Variants in GSDMB observed in about 807,000 individuals in gnomAD.
GSDMB encodes gasdermin B.
In GSDMB, 32 loss-of-function variants were observed where a neutral mutation model predicts 42.9. The ratio of observed to expected loss-of-function variants is 0.75; its 90% confidence interval spans 0.56 to 1.00. The LOEUF is 1.00. GSDMB is among the 50% of genes least tolerant of loss of function. The pLI, the probability that GSDMB is intolerant of heterozygous loss-of-function variation, is 0.00. For synonymous variants in GSDMB, 175 were observed against 193.7 expected, an observed-to-expected ratio of 0.90 and a Z score of 0.80; for missense variants, 468 against 498.5, an observed-to-expected ratio of 0.94 and a Z score of 0.58.
intron 1 of GSDMB, 38 bp from the exon 2 acceptor site, chr17:39,917,368 G>A: frequency 8.3e-7 from 1 of 1,211,626 alleles, no homozygotes. Context: ...TTGGGAGGAG[G>A]GTATTGGTTC....
chr17:39,910,996 T>C (rs1219167869), intron 3 of GSDMB, among the ~76,000 whole-genome samples: 1 of 152,132 alleles, frequency 6.6e-6, no homozygotes, highest in African/African-American at 2.4e-5. Context: ...GCCTTTGTTT[T>C]TAATTTATTA....
chr17:39,906,330 G>T, intron 7 of GSDMB, 59 bp from the exon 8 acceptor site: 2 of 1,532,090 alleles, frequency 1.3e-6, no homozygotes, highest in East Asian at 4.5e-5. Flanking sequence ...TATTTCTAAG[G>T]CTCTGTTATT....
At chr17:39,913,442 G>T (rs2063651748) in intron 2 of GSDMB, among the ~76,000 whole-genome samples, 1 of 152,130 alleles carries the variant, frequency 6.6e-6, no homozygotes, top group African/African-American at 2.4e-5. Flanking sequence ...GGCCAACATG[G>T]TGAAACCCCA....
At chr17:39,907,958 C>T (rs556339123) in intron 6 of GSDMB, among the ~76,000 whole-genome samples, 7 of 152,220 alleles carry the variant, frequency 4.6e-5, no homozygotes, top group Admixed American at 2.0e-4. Flanking sequence ...CAGCTGACTG[C>T]CAGCACGAAG....
chr17:39,908,741 C>T (rs1167572897), intron 5 of GSDMB, among the ~76,000 whole-genome samples: 1 of 152,148 alleles, frequency 6.6e-6, no homozygotes, highest in African/African-American at 2.4e-5. Context: ...ATGTCATGTT[C>T]AGGCAAATCC....
At chr17:39,917,584 C>CCCG (rs58989791) in intron 1 of GSDMB, 5 of 186,124 alleles carry the variant, frequency 2.7e-5, no homozygotes, top group South Asian at 4.3e-5. Context: ...ATATAGTCTC[C>CCCG]CCGCCGCCGC....
chr17:39,913,575 A>C (rs763475132), intron 2 of GSDMB, among the ~76,000 whole-genome samples: 11 of 152,088 alleles, frequency 7.2e-5, no homozygotes, highest in Non-Finnish European at 1.3e-4. Context: ...GCCAAGATCA[A>C]GCCACTGCAC....
intron 7 of GSDMB, chr17:39,906,745 T>G: frequency 2.3e-6 from 3 of 1,327,954 alleles, no homozygotes; most frequent in Non-Finnish European, 2.9e-6. Flanking sequence ...TCACTAGTTT[T>G]AAAGTTTCCT....
rs750429077 is a variant in GSDMB, at chr17:39,912,356, G to A, written c.377C>T (p.Ser126Phe). The change falls in exon 3 of 11, where the codon TCC (serine) becomes TTC (phenylalanine). Residue 126 changes from serine to phenylalanine, a missense_variant. Transcript: ENST00000418519. The stretch of plus-strand genomic sequence containing the variant: ...TTCAAGGGTAGCCAGATACTGCTGG[G>A]ATATCCGGTTCTCCGATATCTTGAT... ...QKIKISENRI[S>F]QQYLATLENR... The A allele has an allele frequency of 6.2e-7, 1 of 1,614,068 alleles. No individual in the cohort carries two copies.
intron 3 of GSDMB, among the ~76,000 whole-genome samples, chr17:39,912,060 A>G (rs1022513860): frequency 1.3e-5 from 2 of 151,974 alleles, no homozygotes; most frequent in African/African-American, 4.8e-5. Context: ...GGCTTCCTGG[A>G]GACTGCTCCT....
intron 8 of GSDMB, 56 bp from the exon 9 acceptor site, chr17:39,906,041 C>T (rs533135695): frequency 6.2e-7 from 1 of 1,607,174 alleles, no homozygotes; most frequent in South Asian, 1.1e-5. Flanking sequence ...AGATTATCCT[C>T]ACTGTGCCAA....
Position 39,909,851 on chromosome 17 carries a change from T to G in GSDMB, c.481A>C (p.Thr161Pro). The G allele has an allele frequency of 6.2e-7, 1 of 1,613,958 alleles. No homozygotes were observed. The highest frequency in any genetic ancestry group is 8.5e-7 in the Non-Finnish European group (1 of 1,179,794). The change falls in exon 4 of 11, where the codon ACT (threonine) becomes CCT (proline). Residue 161 changes from threonine to proline, a missense_variant. Coordinates refer to ENST00000418519, the MANE Select transcript of GSDMB (RefSeq NM_001165958.2). ...TRENLYLVTE[T>P]LETVKEETLK... ...GTTTCCTCCTTTACCGTCTCCAGAG[T>G]TTCTGTCACCAGATACAGGTTTTCT...
chr17:39,916,930 TC>T (rs2063721514), intron 2 of GSDMB, 151 bp downstream of exon 2: 2 of 599,924 alleles, frequency 3.3e-6, no homozygotes, highest in African/African-American at 3.7e-5. Flanking sequence ...ATGCAGCTCT[TC>T]CGTGCATTTC....
intron 1 of GSDMB, 70 bp from the exon 2 acceptor site, chr17:39,917,400 T>C (rs1426757250): frequency 4.3e-6 from 4 of 928,760 alleles, no homozygotes; most frequent in Admixed American, 1.9e-5. Flanking sequence ...TCTTCCACAT[T>C]TGGCAGCCTG....
chr17:39,905,954 T>G lies in GSDMB; in HGVS notation c.920A>C (p.His307Pro), dbSNP rs777650902. Reference protein sequence around the residue: ...VSEVLISGELHMEDPDKPLLS... With the variant: ...VSEVLISGELPMEDPDKPLLS... ...GAGAGGCTTGTCTGGGTCCTCCATGTGTAGCTCCCCGGAAATCAGGACCTC... is the reference window on the plus strand; with the variant it reads ...GAGAGGCTTGTCTGGGTCCTCCATGGGTAGCTCCCCGGAAATCAGGACCTC... The change falls in exon 9 of 11, where the codon CAC (histidine) becomes CCC (proline). Residue 307 changes from histidine to proline, a missense_variant. Coordinates refer to ENST00000418519, the MANE Select transcript of GSDMB (RefSeq NM_001165958.2). 6.2e-7 allele frequency: 1 copy of G among 1,613,974 alleles called. No individual in the cohort carries two copies. The highest frequency in any genetic ancestry group is 1.3e-5 in the African/African-American group (1 of 75,000).
chr17:39,905,969 A>C lies in GSDMB; in HGVS notation c.905T>G (p.Ile302Ser). ...GTCCTCCATGTGTAGCTCCCCGGAA[A>C]TCAGGACCTCAGATACCTAGGGCCA... Reference protein sequence around the residue: ...DLEQRVSEVLISGELHMEDPD... With the variant: ...DLEQRVSEVLSSGELHMEDPD... The change falls in exon 9 of 11, where the codon ATT becomes AGT. Residue 302 changes from isoleucine (I) to serine (S), a missense_variant. Physicochemically the swap from Ile to Ser is moderately radical, Grantham distance 142. Transcript: ENST00000418519. 6.2e-7 allele frequency: 1 copy of C among 1,614,030 alleles called. No homozygotes were observed. The highest frequency in any genetic ancestry group is 8.5e-7 in the Non-Finnish European group (1 of 1,179,932).
intron 7 of GSDMB, chr17:39,906,750 T>C (rs1417400176): frequency 3.0e-6 from 4 of 1,337,168 alleles, no homozygotes; most frequent in Admixed American, 6.4e-5. Context: ...AGTTTTAAAG[T>C]TTCCTGGTGT....
At chr17:39,908,275 G>C in intron 5 of GSDMB, 61 bp from the exon 6 acceptor site, 1 of 793,628 alleles carries the variant, frequency 1.3e-6, no homozygotes, top group Non-Finnish European at 2.1e-6. Flanking sequence ...TTATCACTCT[G>C]TAAGTTCCCT....
intron 2 of GSDMB, among the ~76,000 whole-genome samples, chr17:39,914,146 G>A (rs935676022): frequency 6.6e-6 from 1 of 152,080 alleles, no homozygotes; most frequent in Non-Finnish European, 1.5e-5. Flanking sequence ...AGTGATCAAG[G>A]TCAACATCAA....
Sources: allele counts gnomAD v4.1 joint callset (sites outside exome capture counted in the v4.1 genomes callset), GRCh38; gene constraint gnomAD v4.1.1; transcripts MANE v1.5; gene names NCBI Gene and HGNC (gene_info 2026-07-23, HGNC 2026-07-21).